TIAM1: variants seen among roughly 807,000 people sequenced by gnomAD.
TIAM1 encodes rho guanine nucleotide exchange factor TIAM1.
A neutral mutation model predicts 163.5 loss-of-function variants in TIAM1; 65 were observed. That is an observed-to-expected ratio of 0.40 (90% CI 0.33 to 0.49). The LOEUF (loss-of-function observed/expected upper bound fraction) is 0.49. Among genes scored for constraint, TIAM1 ranks in the 20% least tolerant of loss-of-function variants. The pLI, the probability that TIAM1 is intolerant of heterozygous loss-of-function variation, is 0.77. For missense variants in TIAM1, 1,789 were observed against 2,044.7 expected, an observed-to-expected ratio of 0.87 and a Z score of 2.41; for synonymous variants, 833 against 810.1, an observed-to-expected ratio of 1.03 and a Z score of -0.48.
intron 6 of TIAM1, among the ~76,000 whole-genome samples, chr21:31,226,378 G>A (rs113428493): frequency 0.017 from 2,533 of 152,238 alleles, 64 homozygotes; most frequent in African/African-American, 0.058. Flanking sequence ...CCTGCCCCTC[G>A]TGAACCACTG....
chr21:31,490,703 T>C (rs1166958701), intron 1 of TIAM1, among the ~76,000 whole-genome samples: 2 of 152,102 alleles, frequency 1.3e-5, no homozygotes, highest in East Asian at 1.9e-4. Flanking sequence ...GACTGGGGAG[T>C]TCCAGGAAGG....
intron 2 of TIAM1, among the ~76,000 whole-genome samples, chr21:31,409,052 T>C (rs935408739): frequency 1.5e-4 from 23 of 151,872 alleles, no homozygotes; most frequent in Non-Finnish European, 2.4e-4. Flanking sequence ...GTAAACACAT[T>C]GCTCCCACAC....
At chr21:31,440,094 A>C (rs919910943) in intron 2 of TIAM1, among the ~76,000 whole-genome samples, 1 of 152,228 alleles carries the variant, frequency 6.6e-6, no homozygotes, top group Non-Finnish European at 1.5e-5. Flanking sequence ...TAAGATGAAG[A>C]AATAAGAGAA....
At chr21:31,371,108 G>A (rs982225965) in intron 2 of TIAM1, among the ~76,000 whole-genome samples, 2 of 152,184 alleles carry the variant, frequency 1.3e-5, no homozygotes, top group Non-Finnish European at 2.9e-5. Flanking sequence ...AAAAGTTCCT[G>A]ACAACAACTT....
intron 1 of TIAM1, among the ~76,000 whole-genome samples, chr21:31,511,386 C>A (rs1057171668): frequency 2.0e-5 from 3 of 152,186 alleles, no homozygotes; most frequent in Non-Finnish European, 4.4e-5. Context: ...CAGAGGAATT[C>A]TTAGTGCGGA....
intron 1 of TIAM1, among the ~76,000 whole-genome samples, chr21:31,466,798 G>A (rs1287710650): frequency 2.0e-5 from 3 of 152,094 alleles, no homozygotes; most frequent in South Asian, 2.1e-4. Flanking sequence ...AGAAATGGCC[G>A]TTTCTAAACA....
intron 2 of TIAM1, among the ~76,000 whole-genome samples, chr21:31,462,992 C>A (rs1422733343): frequency 6.6e-6 from 1 of 152,162 alleles, no homozygotes; most frequent in African/African-American, 2.4e-5. Context: ...ATCCACCCAC[C>A]TCGGCCTCCC....
intron 1 of TIAM1, among the ~76,000 whole-genome samples, chr21:31,469,789 G>A (rs2045672240): frequency 1.3e-5 from 2 of 151,678 alleles, no homozygotes; most frequent in Admixed American, 6.6e-5. Flanking sequence ...CCAAGATCGC[G>A]CCACTGCCCT....
intron 13 of TIAM1, among the ~76,000 whole-genome samples, chr21:31,189,044 CTTTTTTTTTTTTT>C (rs58786753): frequency 3.6e-4 from 25 of 70,088 alleles, no homozygotes; most frequent in Middle Eastern, 0.017. Flanking sequence ...TCCATTCCCT[CTTTTTTTTTTTTT>C]TTTTTTTTTT....
intron 15 of TIAM1, among the ~76,000 whole-genome samples, chr21:31,171,086 A>G (rs2146390062): frequency 6.6e-6 from 1 of 151,790 alleles, no homozygotes; most frequent in East Asian, 1.9e-4. Context: ...GTATATGGAA[A>G]TGTGAAATAC....
intron 16 of TIAM1, among the ~76,000 whole-genome samples, chr21:31,157,096 C>T (rs1477064809): frequency 2.6e-5 from 4 of 152,178 alleles, no homozygotes; most frequent in African/African-American, 7.2e-5. Context: ...CTAATTGATA[C>T]AAACAAGTTA....
chr21:31,193,401 G>C (rs1449125082), intron 13 of TIAM1, among the ~76,000 whole-genome samples: 1 of 152,070 alleles, frequency 6.6e-6, no homozygotes, highest in Non-Finnish European at 1.5e-5. Flanking sequence ...GGGTGCCTAG[G>C]GAACCAGCCT....
Position 31,262,701 on chromosome 21 carries a change from T to A in TIAM1, c.963+3309A>T, listed in dbSNP as rs544329110. On this transcript the variant is annotated intron_variant, in intron 4 of 27. Transcript: ENST00000541036. Reference sequence around the variant, plus strand: ...GGAAAAAGGGCCAAAAACCCATTTTTGATCATTTTCAAATCAAATGAAGTT... The same window carrying A: ...GGAAAAAGGGCCAAAAACCCATTTTAGATCATTTTCAAATCAAATGAAGTT... Among the ~76,000 whole-genome samples, 18 of 152,370 alleles carry A rather than the reference T, an allele frequency of 1.2e-4. No homozygotes were observed. The East Asian group carries it at 3.5e-3, about 29-fold the overall frequency.
intron 1 of TIAM1, among the ~76,000 whole-genome samples, chr21:31,469,047 GC>G (rs1163466867): frequency 2.0e-5 from 3 of 150,670 alleles, no homozygotes; most frequent in African/African-American, 7.3e-5. Context: ...GAACAAAGGG[GC>G]TTCCTCCTGC....
chr21:31,166,500 T>C (rs868306294), intron 15 of TIAM1, among the ~76,000 whole-genome samples: 1 of 152,158 alleles, frequency 6.6e-6, no homozygotes, highest in African/African-American at 2.4e-5. Context: ...CTGAGCAAAC[T>C]TGGCACCAAT....
chr21:31,164,991 A>G lies in TIAM1; in HGVS notation c.2962T>C (p.Ser988Pro), dbSNP rs143173605. ...CTGCTGTGATCAGTCTCATCTGAGGATTCCAAGTCTGGCCCCTCGGTCTCC... is the reference window on the plus strand; with the variant it reads ...CTGCTGTGATCAGTCTCATCTGAGGGTTCCAAGTCTGGCCCCTCGGTCTCC... Reference protein sequence around the residue: ...PEETEGPDLESSDETDHSSKS... With the variant: ...PEETEGPDLEPSDETDHSSKS... The change falls in exon 16 of 28, where the codon TCC becomes CCC. Residue 988 changes from serine (S) to proline (P), a missense_variant. Coordinates refer to ENST00000541036, the MANE Select transcript of TIAM1 (RefSeq NM_001353694.2). 4 of 1,614,046 alleles carry G rather than the reference A, an allele frequency of 2.5e-6. No individual in the cohort carries two copies. In the African/African-American group the frequency reaches 5.3e-5, roughly 22 times the overall value.
intron 1 of TIAM1, among the ~76,000 whole-genome samples, chr21:31,555,655 T>A (rs1188637871): frequency 6.6e-6 from 1 of 152,106 alleles, no homozygotes; most frequent in African/African-American, 2.4e-5. Context: ...CGGCACAGAT[T>A]TCTAGGCAAG....
In TIAM1 at chr21:31,258,593, AGGCCAAGGCG is replaced by A. The variant is rs1213657350; in HGVS notation, c.964-6414_964-6405del. 2.6e-5 allele frequency among the ~76,000 whole-genome samples: 4 copies of A among 152,284 alleles called. No homozygotes were observed. In the East Asian group the frequency reaches 5.8e-4, roughly 22 times the overall value. On this transcript the variant is annotated intron_variant, in intron 4 of 27. Coordinates refer to ENST00000541036, the MANE Select transcript of TIAM1 (RefSeq NM_001353694.2). Reference sequence around the variant, plus strand: ...ATGCCTGTAATCCCAGCACTTTGGGAGGCCAAGGCGGGTGGATCACGAAGTCAAGAGATCT... The same window carrying A: ...ATGCCTGTAATCCCAGCACTTTGGGAGGTGGATCACGAAGTCAAGAGATCT...
chr21:31,392,958 C>CT (rs34474331), intron 2 of TIAM1, among the ~76,000 whole-genome samples: 2,024 of 139,122 alleles, frequency 0.015, 38 homozygotes, highest in African/African-American at 0.046. Context: ...AACCTGTCTT[C>CT]TTTTTTTTTT....
Sources: allele counts gnomAD v4.1 joint callset (sites outside exome capture counted in the v4.1 genomes callset), GRCh38; gene constraint gnomAD v4.1.1; transcripts MANE v1.5; gene names NCBI Gene and HGNC (gene_info 2026-07-23, HGNC 2026-07-21).